Variants in GRIN1 observed in about 807,000 individuals in gnomAD.
GRIN1 encodes the protein glutamate ionotropic receptor NMDA type subunit 1, also known as glutamate receptor ionotropic, NMDA 1.
Under a neutral mutation model 103.0 loss-of-function variants are expected in GRIN1, and 38 were observed. That is an observed-to-expected ratio of 0.37 (90% CI 0.28 to 0.48). GRIN1 has a LOEUF of 0.48. Among genes scored for constraint, GRIN1 ranks in the 20% least tolerant of loss-of-function variants. The probability of loss-of-function intolerance (pLI) is 0.98; values close to 1 mark genes in which losing one functional copy is unlikely to be tolerated. For synonymous variants in GRIN1, 544 were observed against 532.7 expected (o/e 1.02, Z -0.29); for missense variants, 577 against 1,288.9 (o/e 0.45, Z 8.46).
At chr9:137,163,081 C>A in intron 15 of GRIN1, 78 bp downstream of exon 15, 1 of 1,569,784 alleles carries the variant, frequency 6.4e-7, no homozygotes, top group African/African-American at 1.3e-5. Flanking sequence ...GGCAGGAGAG[C>A]GTCCGGGCCG....
intron 2 of GRIN1, among the ~76,000 whole-genome samples, chr9:137,142,783 C>T (rs1234691241): frequency 6.6e-6 from 1 of 152,170 alleles, no homozygotes; most frequent in Non-Finnish European, 1.5e-5. Context: ...GGGTGGAGAG[C>T]AATGTCTGTG....
intron 19 of GRIN1, among the ~76,000 whole-genome samples, chr9:137,166,303 G>GC (rs1388959436): frequency 3.3e-5 from 5 of 152,186 alleles, no homozygotes; most frequent in African/African-American, 7.2e-5. Flanking sequence ...CGGACCAGAG[G>GC]CCCCCAGAGC....
rs373819631 is a variant in GRIN1, at chr9:137,144,811, C to G, written c.394-915C>G. ...GTGGTAGGGACAGGGGTGGGAGACACGAGGGGGTCCCAGGGTCTAGAAAGT... is the reference window on the plus strand; with the variant it reads ...GTGGTAGGGACAGGGGTGGGAGACAGGAGGGGGTCCCAGGGTCTAGAAAGT... On this transcript the variant is annotated intron_variant, in intron 2 of 19. Coordinates refer to ENST00000371561, the MANE Select transcript of GRIN1 (RefSeq NM_007327.4). 6.5e-3 allele frequency among the ~76,000 whole-genome samples: 30 copies of G among 4,646 alleles called. 4 individuals are homozygous for G. Among genetic ancestry groups the G allele is most frequent in the African/African-American group, 0.018 (20 of 1,140 alleles). 3.0% of individuals were successfully genotyped at this position (4,646 alleles called of 152,430 possible).
Position 137,139,463 on chromosome 9 carries a change from G to A in GRIN1, c.-24G>A, listed in dbSNP as rs955395023. Reference sequence around the variant, plus strand: ...GAGGGCCCCGCGTTCGCGCCGCGCAGAGCCAGGCCCGCGGCCCGAGCCCAT... The same window carrying A: ...GAGGGCCCCGCGTTCGCGCCGCGCAAAGCCAGGCCCGCGGCCCGAGCCCAT... On this transcript the variant is annotated 5_prime_UTR_variant, in exon 1 of 20. Coordinates refer to ENST00000371561, the MANE Select transcript of GRIN1 (RefSeq NM_007327.4). This position sits in a 1 kb window ranked among gnomAD's most constrained non-coding sequence, Gnocchi z 7.7. 12 of 1,533,888 alleles carry A rather than the reference G, an allele frequency of 7.8e-6. No homozygotes were observed. In the African/African-American group the frequency reaches 1.4e-4, roughly 18 times the overall value.
intron 10 of GRIN1, 119 bp downstream of exon 10, chr9:137,161,535 G>A: frequency 1.1e-6 from 1 of 921,674 alleles, no homozygotes; most frequent in Non-Finnish European, 1.6e-6. Context: ...GGTGAGTGGG[G>A]CATGGAGTGA....
chr9:137,154,855 G>T (rs990643595), intron 4 of GRIN1, among the ~76,000 whole-genome samples: 3 of 152,170 alleles, frequency 2.0e-5, no homozygotes, highest in Non-Finnish European at 4.4e-5. Flanking sequence ...CACAGCAGAG[G>T]CCGACTGGCC....
At chr9:137,163,135 A>C in intron 15 of GRIN1, 34 bp from the exon 16 acceptor site, 5 of 1,609,418 alleles carry the variant, frequency 3.1e-6, no homozygotes, top group Non-Finnish European at 4.2e-6. Context: ...GGCTGGCAGG[A>C]CCAAGGCCCC....
chr9:137,143,843 C>A (rs1048752767), intron 2 of GRIN1, among the ~76,000 whole-genome samples: 27 of 152,228 alleles, frequency 1.8e-4, no homozygotes, highest in African/African-American at 6.3e-4. Context: ...CACAGGGACA[C>A]TGAAGGAACC....
In GRIN1 at chr9:137,161,361, A is replaced by C. The variant is rs745779409; in HGVS notation, c.1412A>C (p.Asn471Thr). 3.1e-6 allele frequency: 5 copies of C among 1,612,396 alleles called. No individual in the cohort carries two copies. Among genetic ancestry groups the C allele is most frequent in the Non-Finnish European group, 3.4e-6 (4 of 1,179,800 alleles). The stretch of plus-strand genomic sequence containing the variant: ...CTCATCAAGCTGGCACGGACCATGA[A>C]CTTCACCTACGAGGTGCACCTGGTG... ...DLLIKLARTM[N>T]FTYEVHLVAD... Residue 471 changes from asparagine (N) to threonine (T), a missense_variant, in exon 10 of 20, where the codon AAC becomes ACC. By Grantham distance (65) the Asn-to-Thr change is moderately conservative (BLOSUM62 0). Coordinates refer to ENST00000371561, the MANE Select transcript of GRIN1 (RefSeq NM_007327.4).
At chr9:137,158,845 G>A (rs994810298) in intron 8 of GRIN1, 141 bp downstream of exon 8, 99 of 693,778 alleles carry the variant, frequency 1.4e-4, no homozygotes, top group Middle Eastern at 7.6e-4. Flanking sequence ...CCTGGACACC[G>A]TCCAGCACAC....
chr9:137,161,244 G>C, intron 9 of GRIN1, 45 bp from the exon 10 acceptor site: 1 of 1,610,466 alleles, frequency 6.2e-7, no homozygotes, highest in Non-Finnish European at 8.5e-7. Context: ...GGCGCGGGGC[G>C]TGGGGCGGTC....
Position 137,168,545 on chromosome 9 carries a change from G to A in GRIN1, c.*1018G>A, listed in dbSNP as rs1039960080. ...TGCCCTGCACCTTGGGCACGGGAGA[G>A]CGCCACCCGCCCGCCCCCGCCCTCG... On this transcript the variant is annotated 3_prime_UTR_variant, in exon 20 of 20. Coordinates refer to ENST00000371561, the MANE Select transcript of GRIN1 (RefSeq NM_007327.4). The A allele has an allele frequency of 1.2e-5, 3 of 253,604 alleles. No individual in the cohort carries two copies. Among genetic ancestry groups the A allele is most frequent in the East Asian group, 7.5e-5 (1 of 13,396 alleles). 15.7% of individuals were successfully genotyped at this position (253,604 alleles called of 1,614,324 possible).
chr9:137,142,390 G>T (rs1832225297), intron 2 of GRIN1, among the ~76,000 whole-genome samples: 1 of 152,130 alleles, frequency 6.6e-6, no homozygotes, highest in Non-Finnish European at 1.5e-5. Context: ...CACATAGAGG[G>T]CTCACGTGGA....
rs1464288962 is a variant in GRIN1 at position 137,158,284 on chromosome 9, G to T, written c.969-95G>T. The T allele has an allele frequency of 2.2e-6, 3 of 1,367,900 alleles. No individual in the cohort carries two copies. In the African/African-American group the frequency reaches 4.3e-5, roughly 19 times the overall value. The allele number at this position is 1,367,900 out of a possible 1,614,324, so 84.7% of individuals were successfully genotyped here. Reference sequence around the variant, plus strand: ...GAGAAGGAGCAGGGAGAAGGAGCAGGGGGAAGGAGCAGGGAGAAGCAGCAG... The same window carrying T: ...GAGAAGGAGCAGGGAGAAGGAGCAGTGGGAAGGAGCAGGGAGAAGCAGCAG... On this transcript the variant is annotated intron_variant, in intron 6 of 19. Transcript: ENST00000371561.
At chr9:137,155,015 G>A (rs111563560) in intron 4 of GRIN1, among the ~76,000 whole-genome samples, 29 of 152,210 alleles carry the variant, frequency 1.9e-4, no homozygotes, top group Admixed American at 1.6e-3. Flanking sequence ...GAGACATGAC[G>A]CCAATCTTAA....
rs1332508025 is a variant in GRIN1, at chr9:137,142,097, C to G, written c.343C>G (p.Arg115Gly). The G allele has an allele frequency of 2.5e-6, 4 of 1,614,094 alleles. No individual in the cohort carries two copies. The highest frequency in any genetic ancestry group is 1.7e-5 in the Admixed American group (1 of 60,010). ...TPVSYTAGFYRIPVLGLTTRM... is the reference protein window; with the variant it reads ...TPVSYTAGFYGIPVLGLTTRM... ...TGTCTCCTACACAGCCGGCTTCTAC[C>G]GCATACCCGTGCTGGGGCTGACCAC... Residue 115 changes from arginine (R) to glycine (G), a missense_variant, in exon 2 of 20, where the codon CGC becomes GGC. Coordinates refer to ENST00000371561, the MANE Select transcript of GRIN1 (RefSeq NM_007327.4).
chr9:137,149,106 C>T lies in GRIN1; in HGVS notation c.668C>T (p.Ala223Val). ...ELEARVIILS[A>V]SEDDAATVYR... ...GAGGCCCGGGTCATCATCCTTTCTG[C>T]CAGGTGAGGCTGGGCAGGGCCCTAC... Residue 223 changes from alanine (A) to valine (V), a missense_variant, in exon 4 of 20, where the codon GCC becomes GTC. Ala to Val is a moderately conservative substitution (Grantham distance 64). This residue lies in a region of GRIN1 where 308 missense variants were observed against 553.6 expected (regional missense o/e 0.56). Coordinates refer to ENST00000371561, the MANE Select transcript of GRIN1 (RefSeq NM_007327.4). 1 of 1,599,754 alleles carries T rather than the reference C, an allele frequency of 6.3e-7. No homozygotes were observed. The highest frequency in any genetic ancestry group is 8.5e-7 in the Non-Finnish European group (1 of 1,169,860).
intron 4 of GRIN1, among the ~76,000 whole-genome samples, chr9:137,149,878 GC>G (rs1395894324): frequency 2.0e-5 from 3 of 152,190 alleles, no homozygotes; most frequent in Non-Finnish European, 4.4e-5. Flanking sequence ...CAGCCCTCCA[GC>G]CCTGCATATG....
chr9:137,147,837 C>G (rs1300984097), intron 3 of GRIN1, among the ~76,000 whole-genome samples: 7 of 152,232 alleles, frequency 4.6e-5, no homozygotes, highest in African/African-American at 1.7e-4. Context: ...AGGTGCACGG[C>G]AGGGTGGGGG....
Sources: allele counts gnomAD v4.1 joint callset (sites outside exome capture counted in the v4.1 genomes callset), GRCh38; gene constraint gnomAD v4.1.1; regional missense constraint gnomAD v4.1.1; non-coding constraint Gnocchi (gnomAD v3.1); transcripts MANE v1.5; gene names NCBI Gene and HGNC (gene_info 2026-07-23, HGNC 2026-07-21).